The following ODAD2 variants were observed in gnomAD, a reference collection of about 807,000 sequenced individuals.
ODAD2 encodes outer dynein arm docking complex subunit 2.
Under a neutral mutation model 106.8 loss-of-function variants are expected in ODAD2, and 89 were observed. The ratio of observed to expected loss-of-function variants is 0.83; its 90% CI spans 0.70 to 0.99. ODAD2 has a LOEUF of 0.99. Among genes scored for constraint, ODAD2 ranks in the 50% least tolerant of loss-of-function variants. ODAD2 has a pLI of 0.00. For missense variants in ODAD2, 1,168 were observed against 1,238.5 expected (o/e 0.94, Z 0.85); for synonymous variants, 404 against 436.2 (o/e 0.93, Z 0.92).
At chr10:27,827,639 C>G (rs1403823706) in intron 19 of ODAD2, among the ~76,000 whole-genome samples, 1 of 152,036 alleles carries the variant, frequency 6.6e-6, no homozygotes, top group African/African-American at 2.4e-5. Flanking sequence ...ACCCATTTCT[C>G]TTCATCTCCA....
chr10:27,981,910 T>C (rs1849572566), intron 6 of ODAD2: 1 of 165,144 alleles, frequency 6.1e-6, no homozygotes, highest in Admixed American at 6.4e-5. Context: ...ACTCTGAAAA[T>C]GCATTATGAC....
intron 17 of ODAD2, among the ~76,000 whole-genome samples, chr10:27,866,032 A>G (rs1040739732): frequency 2.0e-5 from 3 of 152,260 alleles, no homozygotes; most frequent in African/African-American, 2.4e-5. Context: ...AAATTCTACA[A>G]TAAAGATTTC....
intron 7 of ODAD2, among the ~76,000 whole-genome samples, chr10:27,980,465 C>A (rs571882208): frequency 6.6e-6 from 1 of 152,028 alleles, no homozygotes; most frequent in Admixed American, 6.6e-5. Context: ...TGGGTATATA[C>A]AAAAACTACA....
At chr10:27,896,449 G>T (rs1398933924) in intron 17 of ODAD2, among the ~76,000 whole-genome samples, 2 of 152,194 alleles carry the variant, frequency 1.3e-5, no homozygotes, top group South Asian at 2.1e-4. Context: ...TAGATTGATA[G>T]GTAATAGATG....
chr10:27,941,049 T>C (rs1010842732), intron 12 of ODAD2, among the ~76,000 whole-genome samples: 2 of 152,104 alleles, frequency 1.3e-5, no homozygotes, highest in Admixed American at 6.5e-5. Context: ...CCCACCAAGA[T>C]AGTATTTTCT....
At chr10:27,822,767 T>C (rs1206800008) in intron 19 of ODAD2, among the ~76,000 whole-genome samples, 1 of 152,172 alleles carries the variant, frequency 6.6e-6, no homozygotes, top group Non-Finnish European at 1.5e-5. Context: ...TTGCCTTTAT[T>C]GGTGTCTGTC....
chr10:27,940,876 A>T (rs751908192), intron 12 of ODAD2, 71 bp from the exon 13 acceptor site: 18 of 1,484,324 alleles, frequency 1.2e-5, no homozygotes, highest in Non-Finnish European at 1.5e-5. Flanking sequence ...TTCAATAGCT[A>T]CAGTGTTCCT....
intron 12 of ODAD2, among the ~76,000 whole-genome samples, chr10:27,943,546 G>A (rs1160104963): frequency 6.6e-6 from 1 of 151,702 alleles, no homozygotes; most frequent in Non-Finnish European, 1.5e-5. Flanking sequence ...CAGCACTTTC[G>A]GAGGCCAAGG....
At chr10:27,930,814 C>T (rs1266891258) in intron 16 of ODAD2, among the ~76,000 whole-genome samples, 1 of 152,158 alleles carries the variant, frequency 6.6e-6, no homozygotes, top group Non-Finnish European at 1.5e-5. Flanking sequence ...ATCCCTTTCA[C>T]ACTGAGAACA....
At chr10:27,836,876 A>T (rs1260545397) in intron 19 of ODAD2, among the ~76,000 whole-genome samples, 2 of 152,194 alleles carry the variant, frequency 1.3e-5, no homozygotes, top group African/African-American at 2.4e-5. Flanking sequence ...AACACAGAGG[A>T]CTTATTTCAT....
At chr10:27,984,966 G>T in intron 4 of ODAD2, 53 bp downstream of exon 4, 1 of 1,300,272 alleles carries the variant, frequency 7.7e-7, no homozygotes, top group Non-Finnish European at 1.1e-6. Context: ...CTGGAGTTCA[G>T]TGGTGCAATC....
intron 10 of ODAD2, among the ~76,000 whole-genome samples, chr10:27,954,574 T>A (rs752667106): frequency 6.6e-6 from 1 of 152,244 alleles, no homozygotes; most frequent in African/African-American, 2.4e-5. Context: ...AACATTGTCA[T>A]GTTTCAGTCG....
chr10:27,916,886 T>G (rs369489608), intron 16 of ODAD2, among the ~76,000 whole-genome samples: 2 of 152,076 alleles, frequency 1.3e-5, no homozygotes, highest in East Asian at 1.9e-4. Flanking sequence ...CCTGTGTTGT[T>G]CAAGGGACAG....
chr10:27,895,263 C>T (rs148286126), intron 17 of ODAD2, among the ~76,000 whole-genome samples: 217 of 152,278 alleles, frequency 1.4e-3, no homozygotes, highest in Middle Eastern at 6.8e-3. Flanking sequence ...GGCACCAAAA[C>T]GATAGCCGCT....
At chr10:27,988,740 C>T (rs16928444) in intron 2 of ODAD2, among the ~76,000 whole-genome samples, 9,505 of 152,030 alleles carry the variant, frequency 0.063, 342 homozygotes, top group South Asian at 0.11. Context: ...TTATTACTGA[C>T]GATCTCACTA....
At chr10:27,827,120 T>C (rs1837106253) in intron 19 of ODAD2, among the ~76,000 whole-genome samples, 1 of 152,206 alleles carries the variant, frequency 6.6e-6, no homozygotes. Context: ...CTCTTGACTT[T>C]GTGAAAATAA....
At chr10:27,854,147 G>A (rs1187966054) in intron 19 of ODAD2, among the ~76,000 whole-genome samples, 1 of 152,108 alleles carries the variant, frequency 6.6e-6, no homozygotes, top group African/African-American at 2.4e-5. Context: ...TTAATCATTA[G>A]AAAAATTGAA....
At chr10:27,876,891 G>C (rs1841378510) in intron 17 of ODAD2, among the ~76,000 whole-genome samples, 1 of 152,110 alleles carries the variant, frequency 6.6e-6, no homozygotes, top group Admixed American at 6.5e-5. Flanking sequence ...ACAGCTAAAG[G>C]CATCTGTAGC....
At chr10:27,905,506 C>CA (rs1452077359) in intron 17 of ODAD2, among the ~76,000 whole-genome samples, 1 of 151,940 alleles carries the variant, frequency 6.6e-6, no homozygotes, top group Non-Finnish European at 1.5e-5. Context: ...CACAGAATTA[C>CA]AAAAAACTAC....
Sources: gnomAD v4.1 joint callset for allele counts (sites outside exome capture counted in the v4.1 genomes callset) on GRCh38, gnomAD v4.1.1 for gene constraint, MANE v1.5 for transcripts, NCBI Gene and HGNC (gene_info 2026-07-23, HGNC 2026-07-21) for gene names.